Variants in PPFIA2 observed in about 807,000 individuals in gnomAD.
The protein encoded by PPFIA2 is PPFI scaffold protein A2.
Under a neutral mutation model 175.5 loss-of-function variants are expected in PPFIA2, and 46 were observed. That is an observed-to-expected ratio of 0.26 (90% CI 0.21 to 0.34). The LOEUF (loss-of-function observed/expected upper bound fraction) is 0.34, where lower values mean the gene tolerates loss of function less well. PPFIA2 is among the 10% of genes least tolerant of loss of function. The pLI, the probability that PPFIA2 is intolerant of heterozygous loss-of-function variation, is 1.00. For missense variants in PPFIA2, 1,179 were observed against 1,506.1 expected (o/e 0.78, Z 3.60); for synonymous variants, 568 against 511.4 (o/e 1.11, Z -1.49).
At chr12:81,402,994 C>T (rs2060207) in intron 8 of PPFIA2, among the ~76,000 whole-genome samples, 54,377 of 151,868 alleles carry the variant, frequency 0.36, 10,606 homozygotes, top group East Asian at 0.54. Flanking sequence ...ATATATGATA[C>T]ATTATACACA....
chr12:81,515,028 G>A (rs2062239000), intron 4 of PPFIA2, among the ~76,000 whole-genome samples: 1 of 151,882 alleles, frequency 6.6e-6, no homozygotes, highest in Non-Finnish European at 1.5e-5. Context: ...TAAATTTAAT[G>A]AGAGAGAAAG....
At chr12:81,337,254 T>C (rs1366784996) in intron 21 of PPFIA2, among the ~76,000 whole-genome samples, 1 of 152,196 alleles carries the variant, frequency 6.6e-6, no homozygotes, top group Admixed American at 6.6e-5. Flanking sequence ...CTCATCCATA[T>C]TGCAGTCCTT....
intron 4 of PPFIA2, among the ~76,000 whole-genome samples, chr12:81,481,561 A>C (rs2058232385): frequency 6.6e-6 from 1 of 152,214 alleles, no homozygotes; most frequent in Non-Finnish European, 1.5e-5. Context: ...CCAATGGAAC[A>C]GAACAGAAGC....
chr12:81,525,860 T>C (rs987512114), intron 4 of PPFIA2, among the ~76,000 whole-genome samples: 59 of 152,164 alleles, frequency 3.9e-4, no homozygotes, highest in African/African-American at 1.4e-3. Flanking sequence ...ATCTCATTTA[T>C]AAAATTCAGT....
At chr12:81,724,721 A>C (rs562833374) in intron 3 of PPFIA2, among the ~76,000 whole-genome samples, 1 of 150,966 alleles carries the variant, frequency 6.6e-6, no homozygotes, top group African/African-American at 2.4e-5. Context: ...TTGTTTACCC[A>C]GTCATCTATT....
chr12:81,466,535 C>T (rs925339389), intron 4 of PPFIA2, among the ~76,000 whole-genome samples: 2 of 152,144 alleles, frequency 1.3e-5, no homozygotes, highest in African/African-American at 2.4e-5. Flanking sequence ...CCTACTGAAA[C>T]GTACCTATCT....
intron 4 of PPFIA2, among the ~76,000 whole-genome samples, chr12:81,507,102 C>T (rs1393904015): frequency 1.3e-5 from 2 of 152,188 alleles, no homozygotes; most frequent in African/African-American, 2.4e-5. Flanking sequence ...TTCAGATGAG[C>T]AATGCTGGCT....
chr12:81,688,506 A>G (rs2074752935), intron 3 of PPFIA2, among the ~76,000 whole-genome samples: 1 of 151,858 alleles, frequency 6.6e-6, no homozygotes, highest in Non-Finnish European at 1.5e-5. Context: ...ACAAAATGCA[A>G]ACAAATAACT....
chr12:81,441,463 C>G (rs1434275193), intron 6 of PPFIA2, among the ~76,000 whole-genome samples: 1 of 151,946 alleles, frequency 6.6e-6, no homozygotes, highest in Admixed American at 6.6e-5. Flanking sequence ...AAAAGAGTTG[C>G]ACAGGATCTT....
chr12:81,357,451 C>T (rs1047988735), intron 16 of PPFIA2, among the ~76,000 whole-genome samples: 15 of 152,100 alleles, frequency 9.9e-5, no homozygotes, highest in Admixed American at 9.8e-4. Context: ...TATTTTACTT[C>T]TCTGTAAAAT....
intron 7 of PPFIA2, among the ~76,000 whole-genome samples, chr12:81,436,188 T>C (rs534334067): frequency 2.8e-4 from 41 of 146,488 alleles, no homozygotes; most frequent in African/African-American, 1.0e-3. Flanking sequence ...GGCTGAGGCT[T>C]GAGGATCACC....
intron 18 of PPFIA2, among the ~76,000 whole-genome samples, chr12:81,346,894 AAT>A (rs1205700837): frequency 3.3e-5 from 5 of 151,956 alleles, no homozygotes; most frequent in Non-Finnish European, 7.4e-5. Flanking sequence ...AAATGTACTT[AAT>A]GGTTTAAGTC....
intron 8 of PPFIA2, among the ~76,000 whole-genome samples, chr12:81,395,496 C>T (rs2040955433): frequency 6.6e-6 from 1 of 151,986 alleles, no homozygotes; most frequent in African/African-American, 2.4e-5. Flanking sequence ...AATTGAAAGG[C>T]CTCAGAAATA....
Position 81,565,087 on chromosome 12 carries a change from CCT to C in PPFIA2, c.304-107223_304-107222del, listed in dbSNP as rs1491234041. Among the ~76,000 whole-genome samples, 3 of 152,224 alleles carry C rather than the reference CCT, an allele frequency of 2.0e-5. No homozygotes were observed. The East Asian group carries it at 5.8e-4, about 29-fold the overall frequency. On this transcript the variant is annotated intron_variant, in intron 4 of 32. Transcript: ENST00000549396. Reference sequence around the variant, plus strand: ...TACTGAGTTTATAAACTCTGATGAACCTTTTTTGCCAGAAGAAACAGCTTACC... The same window carrying C: ...TACTGAGTTTATAAACTCTGATGAACTTTTTGCCAGAAGAAACAGCTTACC...
chr12:81,281,851 C>T (rs1204244633), intron 26 of PPFIA2, among the ~76,000 whole-genome samples: 1 of 152,022 alleles, frequency 6.6e-6, no homozygotes, highest in Admixed American at 6.6e-5. Context: ...CCACTACTAC[C>T]ATTGCTATAT....
At position 81,369,845 on chromosome 12, in the gene PPFIA2, A is replaced by T. The variant is rs1199297544; in HGVS notation, c.1267-651T>A. Among the ~76,000 whole-genome samples the T allele has an allele frequency of 4.0e-5, 6 of 151,796 alleles. No homozygotes were observed. In the Admixed American group the frequency reaches 4.0e-4, roughly 10 times the overall value. The stretch of plus-strand genomic sequence containing the variant: ...TTAATACTTTAATAGACAGAATTTT[A>T]TGTGGAAAGAACTACATTGATATTT... On this transcript the variant is annotated intron_variant, in intron 11 of 32. Transcript: ENST00000549396.
intron 4 of PPFIA2, among the ~76,000 whole-genome samples, chr12:81,661,203 G>C (rs1269529070): frequency 6.6e-6 from 1 of 151,992 alleles, no homozygotes; most frequent in Non-Finnish European, 1.5e-5. Context: ...TAACAATATT[G>C]ACCTTAAATG....
At chr12:81,324,374 AAT>A (rs1371272441) in intron 22 of PPFIA2, among the ~76,000 whole-genome samples, 1 of 152,040 alleles carries the variant, frequency 6.6e-6, no homozygotes, top group Non-Finnish European at 1.5e-5. Flanking sequence ...GCACTGCCTC[AAT>A]ATCAGACTTA....
At chr12:81,582,263 T>C (rs189793602) in intron 4 of PPFIA2, among the ~76,000 whole-genome samples, 1 of 152,038 alleles carries the variant, frequency 6.6e-6, no homozygotes, top group Admixed American at 6.6e-5. Flanking sequence ...TTTGAATAGA[T>C]GGAATTGAGT....
Sources: gnomAD v4.1 joint callset for allele counts (sites outside exome capture counted in the v4.1 genomes callset) on GRCh38, gnomAD v4.1.1 for gene constraint, MANE v1.5 for transcripts, NCBI Gene and HGNC (gene_info 2026-07-23, HGNC 2026-07-21) for gene names.